Variants in POLH observed in about 807,000 individuals in gnomAD.
The protein encoded by POLH is DNA polymerase eta, also known as DNA polymerase eta transcript.
A neutral mutation model predicts 73.6 loss-of-function variants in POLH; 53 were observed. The observed-to-expected ratio is 0.72, with a 90% CI of 0.58 to 0.91. The LOEUF (loss-of-function observed/expected upper bound fraction) is 0.91, where lower values mean the gene tolerates loss of function less well. Ranked by LOEUF, POLH falls within the 40% of genes least tolerant of loss-of-function variation. POLH has a pLI of 0.00. For missense variants in POLH, 768 were observed against 865.4 expected, an observed-to-expected ratio of 0.89 and a Z score of 1.41; for synonymous variants, 292 against 308.5, an observed-to-expected ratio of 0.95 and a Z score of 0.56.
Position 43,615,921 on chromosome 6 carries a change from T to A in POLH, c.*1364T>A, listed in dbSNP as rs9333565. ...TGCTTGACCTCATGATCCGCCTGCCTCGACCTCCCAAAGTTGCTGGGATTA... is the reference window on the plus strand; with the variant it reads ...TGCTTGACCTCATGATCCGCCTGCCACGACCTCCCAAAGTTGCTGGGATTA... On this transcript the variant is annotated 3_prime_UTR_variant, in exon 11 of 11. Transcript: ENST00000372236. 0.033 allele frequency among the ~76,000 whole-genome samples: 4,995 copies of A among 151,994 alleles called. 269 individuals carry two copies. Among genetic ancestry groups the A allele is most frequent in the African/African-American group, 0.11 (4,620 of 41,474 alleles).
chr6:43,596,381 G>C (rs1051846312), intron 4 of POLH, among the ~76,000 whole-genome samples: 3 of 152,012 alleles, frequency 2.0e-5, no homozygotes, highest in African/African-American at 7.2e-5. Flanking sequence ...TACTCGGGAG[G>C]CTGAGGCAGG....
intron 9 of POLH, among the ~76,000 whole-genome samples, chr6:43,606,617 C>CG (rs977079721): frequency 6.6e-6 from 1 of 151,974 alleles, no homozygotes; most frequent in African/African-American, 2.4e-5. Flanking sequence ...TTAGTAGAGA[C>CG]GGGGTTTTAC....
intron 8 of POLH, 60 bp from the exon 9 acceptor site, chr6:43,605,194 C>G: frequency 1.1e-6 from 1 of 939,696 alleles, no homozygotes; most frequent in East Asian, 2.5e-5. Context: ...ATAACACCAT[C>G]TAGTTCTTAA....
At chr6:43,595,734 G>A (rs1402654981) in intron 4 of POLH, among the ~76,000 whole-genome samples, 1 of 152,122 alleles carries the variant, frequency 6.6e-6, no homozygotes, top group Non-Finnish European at 1.5e-5. Context: ...GGTGAGCCGA[G>A]ATCGCTCCAC....
In POLH at chr6:43,613,652, C is replaced by T. The variant is rs890216598; in HGVS notation, c.1245-8C>T. The T allele has an allele frequency of 5.0e-6, 8 of 1,609,506 alleles. No individual in the cohort carries two copies. The highest frequency in any genetic ancestry group is 6.8e-6 in the Non-Finnish European group (8 of 1,176,268). ...GCTAATCATCTTATTTCTTTACTTT[C>T]TGTATAGGTCTCCTCCTCTCACAAT... On this transcript the variant is annotated splice_polypyrimidine_tract_variant and splice_region_variant and intron_variant, in intron 10 of 10. Transcript: ENST00000372236.
rs1767010387 is a variant in POLH at position 43,604,029 on chromosome 6, T to C, written c.884+18T>C. Reference sequence around the variant, plus strand: ...AAGAATGGGTAAGTGATTCATTTTTTTTAAAATCATAACCTTTATGGAGAT... The same window carrying C: ...AAGAATGGGTAAGTGATTCATTTTTCTTAAAATCATAACCTTTATGGAGAT... On this transcript the variant is annotated intron_variant, in intron 7 of 10. Transcript: ENST00000372236. 3 of 1,606,004 alleles carry C rather than the reference T, an allele frequency of 1.9e-6. No homozygotes were observed. Among genetic ancestry groups the C allele is most frequent in the Admixed American group, 1.7e-5 (1 of 59,994 alleles).
chr6:43,608,282 T>C (rs1008313624), intron 9 of POLH, among the ~76,000 whole-genome samples: 23 of 152,242 alleles, frequency 1.5e-4, no homozygotes, highest in African/African-American at 5.1e-4. Context: ...CCTAATGGTA[T>C]TGTTTGATGC....
Position 43,587,413 on chromosome 6 carries a change from G to C in POLH, c.414G>C (p.Ser138=). The C allele has an allele frequency of 6.2e-7, 1 of 1,614,190 alleles. No homozygotes were observed. The highest frequency in any genetic ancestry group is 8.5e-7 in the Non-Finnish European group (1 of 1,180,038). Reference sequence around the variant, plus strand: ...AAAAGCTACAAGGTCAGCCTATCTCGGCAGACTTGTTGCCAAGCACTTACA... The same window carrying C: ...AAAAGCTACAAGGTCAGCCTATCTCCGCAGACTTGTTGCCAAGCACTTACA... ...RLQKLQGQPI[S]ADLLPSTYIE... Residue 138 remains serine, a synonymous_variant, in exon 4 of 11, where the codon TCG becomes TCC. Coordinates refer to ENST00000372236, the MANE Select transcript of POLH (RefSeq NM_006502.3).
In POLH at chr6:43,596,647, TAGGG is replaced by T. The variant is rs1172613050; in HGVS notation, c.491-1046_491-1043del. ...GTGGATTTTAAGCCCTTAATAGAAA[TAGGG>T]AGTTGGTTGGAAAGAACATTTGAGA... is the stretch of plus-strand genomic sequence containing the variant. On this transcript the variant is annotated intron_variant, in intron 4 of 10. Coordinates refer to ENST00000372236, the MANE Select transcript of POLH (RefSeq NM_006502.3). Among the ~76,000 whole-genome samples the T allele has an allele frequency of 2.0e-5, 3 of 152,084 alleles. No individual in the cohort carries two copies. In the East Asian group the frequency reaches 5.8e-4, roughly 29 times the overall value.
intron 1 of POLH, among the ~76,000 whole-genome samples, chr6:43,580,706 G>A (rs1218001409): frequency 5.1e-5 from 7 of 138,180 alleles, no homozygotes; most frequent in African/African-American, 1.1e-4. Flanking sequence ...GCGGCTGGCC[G>A]GGCGGGGGGC....
At chr6:43,579,815 A>ATTGC (rs545293537) in intron 1 of POLH, among the ~76,000 whole-genome samples, 68 of 151,840 alleles carry the variant, frequency 4.5e-4, no homozygotes, top group African/African-American at 1.6e-3. Flanking sequence ...TGCAGAATTG[A>ATTGC]TTGCTTGTTT....
chr6:43,605,142 G>A, intron 8 of POLH, 112 bp from the exon 9 acceptor site: 1 of 725,928 alleles, frequency 1.4e-6, no homozygotes, highest in Non-Finnish European at 2.5e-6. Context: ...ATTATGGGGA[G>A]TCTTTGGTGC....
Position 43,614,518 on chromosome 6 carries a change from G to A in POLH, c.2103G>A (p.Met701Ile), listed in dbSNP as rs2127822735. The A allele has an allele frequency of 6.2e-7, 1 of 1,613,966 alleles. No homozygotes were observed. ...ATAAACGCCCCAGGCCTGAGGGCAT[G>A]CAAACATTGGAATCATTTTTTAAGC... ...CTNKRPRPEG[M>I]QTLESFFKPL... Residue 701 changes from methionine (M) to isoleucine (I), a missense_variant, in exon 11 of 11, where the codon ATG (methionine) becomes ATA (isoleucine). Coordinates refer to ENST00000372236, the MANE Select transcript of POLH (RefSeq NM_006502.3).
chr6:43,592,287 A>G (rs1225019766), intron 4 of POLH, among the ~76,000 whole-genome samples: 1 of 152,200 alleles, frequency 6.6e-6, no homozygotes, highest in Non-Finnish European at 1.5e-5. Context: ...AATCTAAGAA[A>G]AGAGGCGAGG....
chr6:43,591,897 A>T (rs1042057336), intron 4 of POLH, among the ~76,000 whole-genome samples: 7 of 152,206 alleles, frequency 4.6e-5, no homozygotes, highest in Admixed American at 3.3e-4. Context: ...GCATTCTATT[A>T]TCTCTGGCTG....
At chr6:43,585,056 A>C (rs1764651993) in intron 3 of POLH, among the ~76,000 whole-genome samples, 2 of 152,120 alleles carry the variant, frequency 1.3e-5, no homozygotes, top group African/African-American at 2.4e-5. Flanking sequence ...CTACTCAGGA[A>C]GCTGAGGTGG....
chr6:43,578,418 C>G (rs1407766702), intron 1 of POLH: 3 of 440,244 alleles, frequency 6.8e-6, no homozygotes, highest in Non-Finnish European at 1.4e-5. Context: ...AAAACTCATG[C>G]CCAGGTCATA....
At chr6:43,601,703 C>A (rs531857571) in intron 6 of POLH, among the ~76,000 whole-genome samples, 4 of 152,120 alleles carry the variant, frequency 2.6e-5, no homozygotes, top group Non-Finnish European at 5.9e-5. Context: ...GTGGGTGGAT[C>A]GCTTGAGCCC....
chr6:43,605,517 T>C (rs542603998), intron 9 of POLH, 198 bp downstream of exon 9: 12 of 520,400 alleles, frequency 2.3e-5, no homozygotes, highest in Non-Finnish European at 4.1e-5. Flanking sequence ...GGCACAATCA[T>C]GGCTCACTGC....
Sources: gnomAD v4.1 joint callset for allele counts (sites outside exome capture counted in the v4.1 genomes callset) on GRCh38, gnomAD v4.1.1 for gene constraint, MANE v1.5 for transcripts, NCBI Gene and HGNC (gene_info 2026-07-23, HGNC 2026-07-21) for gene names.